Variants in OR2A42 observed in about 807,000 individuals in gnomAD.
The protein encoded by OR2A42 is olfactory receptor 2A1/2A42.
For missense variants in OR2A42, 3 were observed against 104.1 expected, an observed-to-expected ratio of 0.03 and a Z score of 4.23; for synonymous variants, 5 against 46.4, an observed-to-expected ratio of 0.11 and a Z score of 3.63.
chr7:144,235,805 C>G (rs1255810327), intron 2 of OR2A42, among the ~76,000 whole-genome samples: 2 of 151,528 alleles, frequency 1.3e-5, no homozygotes, highest in Non-Finnish European at 2.9e-5. Context: ...TTAAATATAA[C>G]CCAGTTGCAA....
intron 2 of OR2A42, among the ~76,000 whole-genome samples, chr7:144,237,299 A>G (rs1378642262): frequency 7.4e-6 from 1 of 135,002 alleles, no homozygotes; most frequent in African/African-American, 2.8e-5. Flanking sequence ...AACATACACA[A>G]TGCCTGAACG....
At chr7:144,234,958 A>G (rs1406666088) in intron 2 of OR2A42, among the ~76,000 whole-genome samples, 1 of 143,902 alleles carries the variant, frequency 6.9e-6, no homozygotes, top group Admixed American at 6.8e-5. Context: ...TTATTTATTT[A>G]TTTATTTTTT....
At chr7:144,235,498 G>A (rs1193685238) in intron 2 of OR2A42, among the ~76,000 whole-genome samples, 22 of 151,892 alleles carry the variant, frequency 1.4e-4, no homozygotes, top group Admixed American at 5.9e-4. Context: ...CACACTCCTT[G>A]TGAACAAGGA....
At chr7:144,237,710 G>A (rs1350047787) in intron 2 of OR2A42, among the ~76,000 whole-genome samples, 2 of 150,162 alleles carry the variant, frequency 1.3e-5, no homozygotes. Flanking sequence ...ATTATTTATT[G>A]ACTAACTAGA....
chr7:144,237,581 A>AC (rs1286261689), intron 2 of OR2A42, among the ~76,000 whole-genome samples: 3 of 121,360 alleles, frequency 2.5e-5, no homozygotes, highest in African/African-American at 8.8e-5. Context: ...CAAAAAAAAA[A>AC]CCAAAAAATG....
rs1198398762 is a variant in OR2A42, at chr7:144,229,439, C to T, written c.*2472G>A. The stretch of plus-strand genomic sequence containing the variant: ...CCTTGTGTATTTAAGGGGTAGGCAG[C>T]ATCGTGGGCTTCCTGGATGCCTGGG... On this transcript the variant is annotated 3_prime_UTR_variant, in exon 3 of 3. Coordinates refer to ENST00000641810, the MANE Select transcript of OR2A42 (RefSeq NM_001001802.3). 40 of 114,578 alleles carry T rather than the reference C, an allele frequency of 3.5e-4. No individual in the cohort carries two copies. The highest frequency in any genetic ancestry group is 1.2e-3 in the African/African-American group (39 of 33,232). The allele number at this position is 114,578 out of a possible 1,614,324, so 7.1% of individuals were successfully genotyped here.
rs1245089081 is a variant in OR2A42 at position 144,229,779 on chromosome 7, T to C, written c.*2132A>G. ...TAATTTTAAAAAATTTAATAAATTA[T>C]TTCATTGTTATTATTGTTGGAGACA... On this transcript the variant is annotated 3_prime_UTR_variant, in exon 3 of 3. Coordinates refer to ENST00000641810, the MANE Select transcript of OR2A42 (RefSeq NM_001001802.3). 4.0e-5 allele frequency: 6 copies of C among 150,652 alleles called. No individual in the cohort carries two copies. In the East Asian group the frequency reaches 1.2e-3, roughly 29 times the overall value. The allele number at this position is 150,652 out of a possible 1,614,324, so 9.3% of individuals were successfully genotyped here.
At position 144,228,342 on chromosome 7, in the gene OR2A42, A is replaced by C. The variant is rs2052327256; in HGVS notation, c.*3569T>G. Reference sequence around the variant, plus strand: ...TCTGCAAGAGAGTGGCTCAGAATTTATTTACAGTCAGACTGCCTGGTCTTG... The same window carrying C: ...TCTGCAAGAGAGTGGCTCAGAATTTCTTTACAGTCAGACTGCCTGGTCTTG... On this transcript the variant is annotated 3_prime_UTR_variant, in exon 3 of 3. Coordinates refer to ENST00000641810, the MANE Select transcript of OR2A42 (RefSeq NM_001001802.3). The C allele has an allele frequency of 7.8e-6, 1 of 128,128 alleles. No individual in the cohort carries two copies. Among genetic ancestry groups the C allele is most frequent in the Non-Finnish European group, 1.7e-5 (1 of 59,250 alleles). The allele number at this position is 128,128 out of a possible 1,614,324, so 7.9% of individuals were successfully genotyped here.
In OR2A42 at chr7:144,238,749, G is replaced by A. The variant is rs2052463336; in HGVS notation, c.-316-6C>T. ...ACCTCCTGCATGCTCATCTCCTTGG[G>A]GAAGGAGAGACAAGACAATTGGTTT... is the stretch of plus-strand genomic sequence containing the variant. On this transcript the variant is annotated splice_region_variant and splice_polypyrimidine_tract_variant and intron_variant, in intron 1 of 2. Transcript: ENST00000641810. 6.6e-6 allele frequency: 1 copy of A among 151,640 alleles called. No homozygotes were observed. Among genetic ancestry groups the A allele is most frequent in the Non-Finnish European group, 1.5e-5 (1 of 68,162 alleles). 9.4% of individuals were successfully genotyped at this position (151,640 alleles called of 1,614,324 possible). A position where few individuals can be genotyped will look rare whatever the true frequency, so the allele number is the denominator to read the frequency against.
intron 2 of OR2A42, among the ~76,000 whole-genome samples, chr7:144,235,073 C>G (rs1586962684): frequency 1.4e-5 from 2 of 147,092 alleles, no homozygotes; most frequent in Non-Finnish European, 3.0e-5. Flanking sequence ...CTCAGCCTCC[C>G]AAGTAGCTGG....
At chr7:144,235,231 G>A (rs1461937747) in intron 2 of OR2A42, among the ~76,000 whole-genome samples, 1 of 147,450 alleles carries the variant, frequency 6.8e-6, no homozygotes, top group Non-Finnish European at 1.5e-5. Context: ...TGCTGGGATT[G>A]TAGGCATGAA....
chr7:144,238,599 T>G lies in OR2A42; in HGVS notation c.-172A>C, dbSNP rs1041276794. 3 of 150,474 alleles carry G rather than the reference T, an allele frequency of 2.0e-5. No individual in the cohort carries two copies. Among genetic ancestry groups the G allele is most frequent in the African/African-American group, 7.3e-5 (3 of 41,036 alleles). The allele number at this position is 150,474 out of a possible 1,614,324, so 9.3% of individuals were successfully genotyped here. A position where few individuals can be genotyped will look rare whatever the true frequency, so the allele number is the denominator to read the frequency against. On this transcript the variant is annotated 5_prime_UTR_variant, in exon 2 of 3. Transcript: ENST00000641810. ...GGTTTCTGGGAGTTTCTGTGGGAGC[T>G]GCAGAATCTTTGCTTCTGTTTCTGA...
At chr7:144,235,114 A>G (rs2052410416) in intron 2 of OR2A42, among the ~76,000 whole-genome samples, 1 of 146,836 alleles carries the variant, frequency 6.8e-6, no homozygotes, top group African/African-American at 2.6e-5. Flanking sequence ...ATACCTAGCT[A>G]ATTTTTTTAA....
In OR2A42 at chr7:144,228,256, TGA is replaced by T. The variant is rs1263110977; in HGVS notation, c.*3653_*3654del. 3 of 137,506 alleles carry T rather than the reference TGA, an allele frequency of 2.2e-5. No individual in the cohort carries two copies. The highest frequency in any genetic ancestry group is 3.2e-5 in the Non-Finnish European group (2 of 63,044). The allele number at this position is 137,506 out of a possible 1,614,324, so 8.5% of individuals were successfully genotyped here. ...ATTTGTTCATTTAGTCAAAGTTTAT[TGA>T]GTGTCTACTATGAACAGGCCTGTTG... is the stretch of plus-strand genomic sequence containing the variant. On this transcript the variant is annotated 3_prime_UTR_variant, in exon 3 of 3. Transcript: ENST00000641810.
In OR2A42 at chr7:144,229,048, G is replaced by C. The variant is rs2052338419; in HGVS notation, c.*2863C>G. On this transcript the variant is annotated 3_prime_UTR_variant, in exon 3 of 3. Coordinates refer to ENST00000641810, the MANE Select transcript of OR2A42 (RefSeq NM_001001802.3). ...TCCTGTGCCTCTAGGGGGGACATGG[G>C]GAAGCCATGAGGGCAAAGGCGTAGG... 1 of 152,520 alleles carries C rather than the reference G, an allele frequency of 6.6e-6. No individual in the cohort carries two copies. Among genetic ancestry groups the C allele is most frequent in the Non-Finnish European group, 1.5e-5 (1 of 68,862 alleles). The allele number at this position is 152,520 out of a possible 1,614,324, so 9.4% of individuals were successfully genotyped here. A position where few individuals can be genotyped will look rare whatever the true frequency, so the allele number is the denominator to read the frequency against.
intron 2 of OR2A42, among the ~76,000 whole-genome samples, chr7:144,235,783 T>TA (rs1385293231): frequency 3.8e-4 from 56 of 149,104 alleles, no homozygotes; most frequent in East Asian, 5.8e-4. Flanking sequence ...AAGGAGAGAC[T>TA]AAAAAAAAAA....
rs2052340032 is a variant in OR2A42, at chr7:144,229,172, G to C, written c.*2739C>G. 1 of 127,458 alleles carries C rather than the reference G, an allele frequency of 7.8e-6. No homozygotes were observed. The highest frequency in any genetic ancestry group is 2.6e-4 in the South Asian group (1 of 3,776). The allele number at this position is 127,458 out of a possible 1,614,324, so 7.9% of individuals were successfully genotyped here. On this transcript the variant is annotated 3_prime_UTR_variant, in exon 3 of 3. Coordinates refer to ENST00000641810, the MANE Select transcript of OR2A42 (RefSeq NM_001001802.3). ...GACAGGTTTAAAATAACTTCTGACA[G>C]CAGGGTAATCATAACAGTTTATCTT...
At position 144,229,728 on chromosome 7, in the gene OR2A42, A is replaced by G. The variant is rs2052346960; in HGVS notation, c.*2183T>C. On this transcript the variant is annotated 3_prime_UTR_variant, in exon 3 of 3. Transcript: ENST00000641810. The stretch of plus-strand genomic sequence containing the variant: ...TTAAAAACTGTTCGGCAGCAATGGA[A>G]TTACAAATTGTATATCCAGTTTGGG... The G allele has an allele frequency of 6.6e-6, 1 of 150,582 alleles. No homozygotes were observed. Among genetic ancestry groups the G allele is most frequent in the East Asian group, 1.9e-4 (1 of 5,204 alleles). 9.3% of individuals were successfully genotyped at this position (150,582 alleles called of 1,614,324 possible).
intron 2 of OR2A42, among the ~76,000 whole-genome samples, chr7:144,237,687 T>C (rs1456321615): frequency 1.0e-4 from 15 of 150,422 alleles, no homozygotes; most frequent in African/African-American, 3.7e-4. Flanking sequence ...TGGAATATGG[T>C]AGGTGTTCAA....
Sources: allele counts gnomAD v4.1 joint callset (sites outside exome capture counted in the v4.1 genomes callset), GRCh38; gene constraint gnomAD v4.1.1; transcripts MANE v1.5; gene names NCBI Gene and HGNC (gene_info 2026-07-23, HGNC 2026-07-21).